Variants in SGCG observed in about 807,000 individuals in gnomAD.
SGCG encodes the protein gamma-sarcoglycan.
Under a neutral mutation model 29.3 loss-of-function variants are expected in SGCG, and 26 were observed. The observed-to-expected ratio is 0.89, with a 90% CI of 0.65 to 1.23. SGCG has a LOEUF of 1.23. SGCG is among the 50% of genes most tolerant of loss of function. The pLI is 0.00. For missense variants in SGCG, 353 were observed against 356.0 expected (o/e 0.99, Z 0.07); for synonymous variants, 145 against 129.7 (o/e 1.12, Z -0.80).
intron 2 of SGCG, among the ~76,000 whole-genome samples, chr13:23,231,570 G>A (rs1190834925): frequency 6.6e-6 from 1 of 152,094 alleles, no homozygotes; most frequent in South Asian, 2.1e-4. Flanking sequence ...TTTTGGAACA[G>A]AATTTGTAGT....
intron 3 of SGCG, among the ~76,000 whole-genome samples, chr13:23,240,790 T>C (rs916232818): frequency 1.3e-5 from 2 of 152,076 alleles, no homozygotes; most frequent in African/African-American, 4.8e-5. Flanking sequence ...ACAATAACAT[T>C]AAATTTGGGA....
intron 2 of SGCG, among the ~76,000 whole-genome samples, chr13:23,226,620 A>G (rs935242458): frequency 3.3e-5 from 5 of 152,228 alleles, no homozygotes; most frequent in African/African-American, 4.8e-5. Flanking sequence ...CTTATATTTA[A>G]AGGCAAAGGA....
chr13:23,192,827 G>C (rs1877330505), intron 1 of SGCG, among the ~76,000 whole-genome samples: 1 of 152,214 alleles, frequency 6.6e-6, no homozygotes, highest in Non-Finnish European at 1.5e-5. Context: ...TTGTGGATGA[G>C]GATATACTTT....
At chr13:23,256,142 A>G (rs1880167048) in intron 4 of SGCG, among the ~76,000 whole-genome samples, 1 of 152,206 alleles carries the variant, frequency 6.6e-6, no homozygotes, top group Non-Finnish European at 1.5e-5. Context: ...ATCCCAGCAG[A>G]ATCAAAAAAT....
chr13:23,323,871 TA>T (rs1883136373), intron 7 of SGCG, among the ~76,000 whole-genome samples: 1 of 152,230 alleles, frequency 6.6e-6, no homozygotes, highest in African/African-American at 2.4e-5. Flanking sequence ...TAAAAATTAT[TA>T]AGATGAATCT....
chr13:23,262,547 A>G (rs577101457), intron 4 of SGCG, among the ~76,000 whole-genome samples: 118 of 152,212 alleles, frequency 7.8e-4, no homozygotes, highest in African/African-American at 2.7e-3. Flanking sequence ...ATAGACAGCA[A>G]AACAATAACA....
At chr13:23,231,378 A>G (rs1156241603) in intron 2 of SGCG, among the ~76,000 whole-genome samples, 3 of 151,818 alleles carry the variant, frequency 2.0e-5, no homozygotes, top group Non-Finnish European at 4.4e-5. Context: ...TGTTTTTCAA[A>G]TAAGGAAAGT....
At chr13:23,184,871 T>C (rs1323774162) in intron 1 of SGCG, among the ~76,000 whole-genome samples, 1 of 152,182 alleles carries the variant, frequency 6.6e-6, no homozygotes, top group Non-Finnish European at 1.5e-5. Context: ...TGTGAGATAG[T>C]GTCAACCTAA....
chr13:23,305,553 A>T (rs1882333306), intron 6 of SGCG, among the ~76,000 whole-genome samples: 2 of 152,214 alleles, frequency 1.3e-5, no homozygotes, highest in African/African-American at 2.4e-5. Context: ...AATGTCCTCA[A>T]TGCAATGTGA....
intron 6 of SGCG, among the ~76,000 whole-genome samples, chr13:23,316,483 G>C (rs1261835837): frequency 3.3e-5 from 5 of 152,210 alleles, no homozygotes; most frequent in Non-Finnish European, 7.3e-5. Context: ...TGATAGAACG[G>C]TGGAATGTTC....
At chr13:23,191,791 A>C (rs9510617) in intron 1 of SGCG, among the ~76,000 whole-genome samples, 21,446 of 152,190 alleles carry the variant, frequency 0.14, 1,891 homozygotes, top group East Asian at 0.29. Flanking sequence ...AGAATTTTAT[A>C]TGACGTCAAG....
intron 2 of SGCG, among the ~76,000 whole-genome samples, chr13:23,217,713 T>C (rs572399714): frequency 1.4e-4 from 22 of 151,920 alleles, no homozygotes; most frequent in Middle Eastern, 6.8e-3. Context: ...TACCATGTAA[T>C]AGGTACTCAA....
intron 1 of SGCG, among the ~76,000 whole-genome samples, chr13:23,182,860 G>A (rs140152925): frequency 6.6e-6 from 1 of 152,304 alleles, no homozygotes; most frequent in Non-Finnish European, 1.5e-5. Flanking sequence ...CTCTAGAAAA[G>A]GAGAGCAGCC....
intron 2 of SGCG, among the ~76,000 whole-genome samples, chr13:23,233,251 T>C (rs903436814): frequency 6.6e-6 from 1 of 152,106 alleles, no homozygotes; most frequent in African/African-American, 2.4e-5. Flanking sequence ...AACAGAAATG[T>C]CATGATATGC....
chr13:23,174,363 G>A, the SGCG span, among the ~76,000 whole-genome samples: 5 of 152,034 alleles, frequency 3.3e-5, no homozygotes, highest in South Asian at 6.2e-4. Flanking sequence ...ATGTGATAGA[G>A]GTAAACAATA....
chr13:23,195,630 A>C (rs1217425594), intron 1 of SGCG, among the ~76,000 whole-genome samples: 3 of 152,104 alleles, frequency 2.0e-5, no homozygotes, highest in Non-Finnish European at 4.4e-5. Flanking sequence ...TTTAAAAGTC[A>C]GTCCTATTGT....
intron 5 of SGCG, among the ~76,000 whole-genome samples, chr13:23,282,977 A>G (rs937585583): frequency 3.6e-4 from 55 of 152,200 alleles, no homozygotes; most frequent in African/African-American, 1.3e-3. Context: ...CTGTGGTCTG[A>G]GAGATAGTTT....
At chr13:23,289,464 C>G (rs768740157) in intron 5 of SGCG, among the ~76,000 whole-genome samples, 3 of 152,224 alleles carry the variant, frequency 2.0e-5, no homozygotes, top group Non-Finnish European at 4.4e-5. Context: ...TCTGCAAAGA[C>G]TTCTCTAAAC....
At chr13:23,217,476 G>A (rs1187446338) in intron 2 of SGCG, 1 of 151,816 alleles carries the variant, frequency 6.6e-6, no homozygotes, top group Non-Finnish European at 1.5e-5. Context: ...TCCTTATAAG[G>A]CGCCACGTCA....
Sources: allele counts gnomAD v4.1 joint callset (sites outside exome capture counted in the v4.1 genomes callset), GRCh38; gene constraint gnomAD v4.1.1; transcripts MANE v1.5; gene names NCBI Gene and HGNC (gene_info 2026-07-23, HGNC 2026-07-21).